COPG1: variants seen among roughly 807,000 people sequenced by gnomAD.
COPG1 encodes the protein coat protein complex I subunit gamma 1, also known as coatomer subunit gamma-1.
COPG1 carries 29 observed loss-of-function variants against 102.8 expected under a neutral mutation model. The observed-to-expected ratio is 0.28, with a 90% CI of 0.21 to 0.38. The LOEUF (loss-of-function observed/expected upper bound fraction) is 0.38, where lower values mean the gene tolerates loss of function less well. COPG1 is among the 10% of genes least tolerant of loss of function. The pLI is 1.00. For missense variants in COPG1, 875 were observed against 1,132.7 expected (o/e 0.77, Z 3.27); for synonymous variants, 406 against 421.6 (o/e 0.96, Z 0.45).
chr3:129,261,933 C>T (rs1939933890), intron 12 of COPG1, among the ~76,000 whole-genome samples: 2 of 152,202 alleles, frequency 1.3e-5, no homozygotes, highest in South Asian at 4.1e-4. Flanking sequence ...TGTTATTTCA[C>T]AATTGTTAAT....
At position 129,254,741 on chromosome 3, in the gene COPG1, G is replaced by C; in HGVS notation, c.397G>C (p.Asp133His). 6.2e-7 allele frequency: 1 copy of C among 1,613,632 alleles called. No homozygotes were observed. Residue 133 changes from aspartate to histidine, a missense_variant and splice_region_variant, in exon 6 of 24, where the codon GAT becomes CAT. Asp to His is a moderately conservative substitution (Grantham distance 81, BLOSUM62 -1). Transcript: ENST00000314797. The stretch of plus-strand genomic sequence containing the variant: ...CGTGCGAGCCCTCTGCCAGATCACT[G>C]ATGTGAGTCGTGCCGGTTCCTCCCT... ...PAVRALCQIT[D>H]STMLQAIERY...
At chr3:129,267,333 C>G in intron 15 of COPG1, 1 of 368,012 alleles carries the variant, frequency 2.7e-6, no homozygotes, top group Non-Finnish European at 5.0e-6. Flanking sequence ...AAAAATAGCT[C>G]TATTGAAGCC....
intron 15 of COPG1, among the ~76,000 whole-genome samples, chr3:129,267,441 G>A (rs962969384): frequency 6.6e-6 from 1 of 152,150 alleles, no homozygotes; most frequent in African/African-American, 2.4e-5. Flanking sequence ...CTAACACGCT[G>A]AAACCCCGTC....
At chr3:129,257,672 C>T in intron 9 of COPG1, 45 bp downstream of exon 9, 4 of 1,613,742 alleles carry the variant, frequency 2.5e-6, no homozygotes, top group East Asian at 2.2e-5. Context: ...CCTCACTCAT[C>T]CTACCATGCT....
At position 129,263,262 on chromosome 3, in the gene COPG1, G is replaced by A. The variant is rs80232712; in HGVS notation, c.1129-642G>A. On this transcript the variant is annotated intron_variant, in intron 12 of 23. Transcript: ENST00000314797. ...GAGCTGACAGTGGTGCTCTTGACTAGTTTGCAGGGGAGGAAAAGATGGGGT... is the reference window on the plus strand; with the variant it reads ...GAGCTGACAGTGGTGCTCTTGACTAATTTGCAGGGGAGGAAAAGATGGGGT... Among the ~76,000 whole-genome samples, 385 of 152,232 alleles carry A rather than the reference G, an allele frequency of 2.5e-3. 5 individuals carry two copies. Among genetic ancestry groups the A allele is most frequent in the African/African-American group, 8.9e-3 (368 of 41,552 alleles).
At chr3:129,274,041 C>T (rs1396481399) in intron 21 of COPG1, 3 of 455,988 alleles carry the variant, frequency 6.6e-6, no homozygotes, top group Non-Finnish European at 1.3e-5. Context: ...ATACAACTGA[C>T]ATTCGCCATT....
intron 8 of COPG1, 47 bp from the exon 9 acceptor site, chr3:129,257,423 C>A (rs775210643): frequency 6.2e-7 from 1 of 1,604,994 alleles, no homozygotes; most frequent in East Asian, 2.2e-5. Context: ...AGCCAGTATA[C>A]CCAAAAGTCA....
At chr3:129,269,769 T>A (rs1940150709) in intron 18 of COPG1, among the ~76,000 whole-genome samples, 1 of 152,018 alleles carries the variant, frequency 6.6e-6, no homozygotes, top group South Asian at 2.1e-4. Context: ...CATGAAACTT[T>A]CCATTTATAT....
At chr3:129,254,865 C>T in intron 6 of COPG1, 120 bp from the exon 7 acceptor site, 1 of 1,180,892 alleles carries the variant, frequency 8.5e-7, no homozygotes, top group Non-Finnish European at 1.2e-6. Flanking sequence ...AGGCAGTGTG[C>T]AGGAGCACAT....
intron 2 of COPG1, 67 bp downstream of exon 2, chr3:129,250,801 A>G (rs1939677653): frequency 5.1e-6 from 7 of 1,364,994 alleles, no homozygotes; most frequent in African/African-American, 1.4e-5. Flanking sequence ...CTGAAATACC[A>G]ACACATTCAA....
chr3:129,254,927 C>T, intron 6 of COPG1, 58 bp from the exon 7 acceptor site: 3 of 1,452,536 alleles, frequency 2.1e-6, no homozygotes, highest in Admixed American at 1.7e-5. Context: ...TTCCTGCACT[C>T]CTGAGAGCTG....
At chr3:129,253,908 G>A (rs1473677171) in intron 5 of COPG1, among the ~76,000 whole-genome samples, 1 of 148,560 alleles carries the variant, frequency 6.7e-6, no homozygotes, top group African/African-American at 2.5e-5. Context: ...GCTGAGGCAG[G>A]AGAATTGCTT....
intron 14 of COPG1, 91 bp downstream of exon 14, chr3:129,265,883 T>A: frequency 7.7e-7 from 1 of 1,303,128 alleles, no homozygotes; most frequent in South Asian, 1.4e-5. Context: ...TGGGGATTTG[T>A]GCACTCAGTG....
intron 2 of COPG1, among the ~76,000 whole-genome samples, chr3:129,251,406 G>T (rs1210155566): frequency 1.3e-5 from 2 of 148,576 alleles, no homozygotes; most frequent in Non-Finnish European, 3.0e-5. Context: ...TTTTTAGAAG[G>T]CGTCTCACTC....
chr3:129,271,976 C>A lies in COPG1; in HGVS notation c.1986+67C>A. 6.4e-7 allele frequency: 1 copy of A among 1,556,252 alleles called. No homozygotes were observed. Among genetic ancestry groups the A allele is most frequent in the Non-Finnish European group, 8.7e-7 (1 of 1,144,698 alleles). ...GGGAGTTGTCCCAGGTCTGGCAGGT[C>A]CTGTAGGGTCATGGGTCCCCACACT... On this transcript the variant is annotated intron_variant, in intron 19 of 23. Coordinates refer to ENST00000314797, the MANE Select transcript of COPG1 (RefSeq NM_016128.4). This position sits in a 1 kb window ranked among gnomAD's most constrained non-coding sequence, Gnocchi z 4.7.
chr3:129,250,389 G>A (rs1327696258), intron 1 of COPG1, among the ~76,000 whole-genome samples: 1 of 152,176 alleles, frequency 6.6e-6, no homozygotes, highest in Admixed American at 6.5e-5. Flanking sequence ...TGGCACATAG[G>A]GACTTAGTTA....
rs1464836312 is a variant in COPG1 at position 129,275,699 on chromosome 3, A to C, written c.2494+407A>C. Among the ~76,000 whole-genome samples, 1 of 152,110 alleles carries C rather than the reference A, an allele frequency of 6.6e-6. No individual in the cohort carries two copies. The highest frequency in any genetic ancestry group is 1.5e-5 in the Non-Finnish European group (1 of 68,012). Reference sequence around the variant, plus strand: ...AGAGCTTCCTCATTCTTTTTCTTTTAATTGTGGTAAAATATACATAAAATT... The same window carrying C: ...AGAGCTTCCTCATTCTTTTTCTTTTCATTGTGGTAAAATATACATAAAATT... On this transcript the variant is annotated intron_variant, in intron 23 of 23. Coordinates refer to ENST00000314797, the MANE Select transcript of COPG1 (RefSeq NM_016128.4). This position sits in a 1 kb window ranked among gnomAD's most constrained non-coding sequence, Gnocchi z 5.0.
At chr3:129,261,806 A>G (rs1242447236) in intron 12 of COPG1, among the ~76,000 whole-genome samples, 1 of 152,190 alleles carries the variant, frequency 6.6e-6, no homozygotes, top group Non-Finnish European at 1.5e-5. Flanking sequence ...CACAGTGAAG[A>G]CACTCAACTA....
chr3:129,257,414 G>T (rs1442955713), intron 8 of COPG1, 56 bp from the exon 9 acceptor site: 12 of 1,594,806 alleles, frequency 7.5e-6, no homozygotes, highest in Non-Finnish European at 1.0e-5. Context: ...GGGCCACACA[G>T]CCAGTATACC....
Sources: gnomAD v4.1 joint callset for allele counts (sites outside exome capture counted in the v4.1 genomes callset) on GRCh38, gnomAD v4.1.1 for gene constraint, Gnocchi (gnomAD v3.1) non-coding constraint, MANE v1.5 for transcripts, NCBI Gene and HGNC (gene_info 2026-07-23, HGNC 2026-07-21) for gene names.